L1CAM: variants seen among roughly 807,000 people sequenced by gnomAD.
L1CAM encodes the protein neural cell adhesion molecule L1.
Under a neutral mutation model 93.0 loss-of-function variants are expected in L1CAM, and 8 were observed. The ratio of observed to expected loss-of-function variants is 0.09; its 90% CI spans 0.05 to 0.16. The LOEUF (loss-of-function observed/expected upper bound fraction) is 0.16, where lower values mean the gene tolerates loss of function less well. Among genes scored for constraint, L1CAM ranks in the 10% least tolerant of loss-of-function variants. L1CAM has a pLI of 1.00. For missense variants in L1CAM, 777 were observed against 1,073.4 expected, an observed-to-expected ratio of 0.72 and a Z score of 3.86; for synonymous variants, 453 against 453.0, an observed-to-expected ratio of 1.00 and a Z score of 0.00.
chrX:153,877,784 G>C (rs1267247188), intron 1 of L1CAM, among the ~76,000 whole-genome samples: 2 of 112,324 alleles, frequency 1.8e-5, no homozygotes, highest in African/African-American at 6.5e-5. Context: ...TCCAGGTTAG[G>C]GTCAGGACAG....
At chrX:153,864,562 C>T in intron 24 of L1CAM, 23 bp downstream of exon 24, 1 of 1,209,959 alleles carries the variant, frequency 8.3e-7, no homozygotes, top group East Asian at 3.0e-5. Context: ...CCACCACGCC[C>T]CAAGGCCCCC....
chrX:153,870,668 T>C, intron 7 of L1CAM, 122 bp downstream of exon 7: 3 of 837,229 alleles, frequency 3.6e-6, no homozygotes, highest in Non-Finnish European at 5.3e-6. Context: ...CTGGGCAGGG[T>C]AGAGGTGGGA....
chrX:153,880,303 GGTGCCCTGCACAT>G lies in L1CAM; in HGVS notation c.-108-4372_-108-4360del, dbSNP rs1335349153. 1.6e-3 allele frequency: 233 copies of G among 148,610 alleles called. 1 individual carries two copies. The highest frequency in any genetic ancestry group is 1.7e-3 in the Non-Finnish European group (134 of 76,750). 12.2% of individuals were successfully genotyped at this position (148,610 alleles called of 1,213,427 possible). A position where few individuals can be genotyped will look rare whatever the true frequency, so the allele number is the denominator to read the frequency against. ...ACACCTTGAGAAGGGAACCTCCAGC[GGTGCCCTGCACAT>G]GTGCCCTGCACACCTGCCTGTCAGT... On this transcript the variant is annotated intron_variant, in intron 1 of 28. Transcript: ENST00000370060.
chrX:153,864,776 G>A (rs1474191501), intron 23 of L1CAM, 45 bp downstream of exon 23: 6 of 1,211,304 alleles, frequency 5.0e-6, no homozygotes, highest in South Asian at 3.5e-5. Context: ...TCCTGGACCC[G>A]GCTGGCCGGG....
At chrX:153,869,991 G>A (rs1316557877) in intron 9 of L1CAM, 57 bp from the exon 10 acceptor site, 67 of 1,207,671 alleles carry the variant, frequency 5.5e-5, no homozygotes, top group Middle Eastern at 2.3e-4. Flanking sequence ...CTCTTGACCC[G>A]GCGCAGACCC....
In L1CAM at chrX:153,868,340, C is replaced by T. The variant is rs1557091782; in HGVS notation, c.1665G>A (p.Gly555=). The change falls in exon 14 of 29, where the codon GGG becomes GGA. Residue 555 remains glycine (G), a synonymous_variant. Coordinates refer to ENST00000370060, the MANE Select transcript of L1CAM (RefSeq NM_001278116.2). ...PSLQPSITWR[G]DGRDLQELGD... is the part of the protein sequence containing the mutation. ...CAAGCTCCTGGAGGTCTCGACCGTC[C>T]CCACGCCAGGTGATGCTGGGCTGCA... is the stretch of plus-strand genomic sequence containing the variant. 1.6e-6 allele frequency: 2 copies of T among 1,212,128 alleles called. No homozygotes were observed. The highest frequency in any genetic ancestry group is 2.2e-6 in the Non-Finnish European group (2 of 895,569).
chrX:153,863,440 G>C (rs1557089580), intron 27 of L1CAM, 37 bp downstream of exon 27: 1 of 1,208,294 alleles, frequency 8.3e-7, no homozygotes, highest in Admixed American at 2.2e-5. Context: ...GGCCAGGGTG[G>C]AGCTGAGTGC....
chrX:153,871,394 C>G (rs1392915799), intron 5 of L1CAM, among the ~76,000 whole-genome samples: 3 of 110,986 alleles, frequency 2.7e-5, no homozygotes, highest in African/African-American at 9.9e-5. Flanking sequence ...CCAGGGTGAG[C>G]AGGAGACCAG....
At position 153,872,709 on chromosome X, in the gene L1CAM, G is replaced by A; in HGVS notation, c.92-12C>T. On this transcript the variant is annotated splice_polypyrimidine_tract_variant and intron_variant, in intron 3 of 28. Transcript: ENST00000370060. ...AGGTGGCTCCATCACTGAAGACAGG[G>A]TGGAGAGAGCGGTGGTGAGGGTGCT... 8.5e-7 allele frequency: 1 copy of A among 1,173,111 alleles called. No homozygotes were observed. Among genetic ancestry groups the A allele is most frequent in the Non-Finnish European group, 1.2e-6 (1 of 860,184 alleles).
chrX:153,882,652 T>C (rs1557095927), intron 1 of L1CAM, among the ~76,000 whole-genome samples: 1 of 110,169 alleles, frequency 9.1e-6, no homozygotes, highest in Non-Finnish European at 1.9e-5. Flanking sequence ...AGTTCCACTC[T>C]CAGACCCGCA....
At chrX:153,872,054 C>A (rs112475628) in intron 5 of L1CAM, 98 bp downstream of exon 5, 7 of 718,196 alleles carry the variant, frequency 9.7e-6, no homozygotes, top group African/African-American at 4.2e-5. Context: ...GACACCCAGG[C>A]CCCTCGCCAC....
At chrX:153,884,403 G>A in intron 1 of L1CAM, 1 of 324,311 alleles carries the variant, frequency 3.1e-6, no homozygotes, top group Non-Finnish European at 5.1e-6. Context: ...GCGCGGTGTA[G>A]CAAACCAGGG....
intron 19 of L1CAM, among the ~76,000 whole-genome samples, chrX:153,866,354 GAAAAGAAAA>G (rs1557090876): frequency 1.9e-5 from 2 of 104,964 alleles, no homozygotes; most frequent in Admixed American, 1.0e-4. Context: ...AAAGAAAAAA[GAAAAGAAAA>G]AAAGGAGAAA....
intron 1 of L1CAM, among the ~76,000 whole-genome samples, chrX:153,881,626 C>T (rs1395967382): frequency 1.8e-5 from 2 of 111,737 alleles, no homozygotes; most frequent in Non-Finnish European, 3.8e-5. Flanking sequence ...AACTCCTTTC[C>T]CTTTTGGGCT....
At chrX:153,872,118 ACCTGCCCTCCCTG>A in intron 5 of L1CAM, 21 bp downstream of exon 5, 1 of 1,144,434 alleles carries the variant, frequency 8.7e-7, no homozygotes, top group South Asian at 1.8e-5. Context: ...GAACTCCGGG[ACCTGCCCTCCCTG>A]GTCCCTGCAG....
intron 1 of L1CAM, chrX:153,884,244 C>T (rs782705442): frequency 9.9e-7 from 1 of 1,011,966 alleles, no homozygotes; most frequent in Middle Eastern, 3.0e-4. Context: ...CAGTACACGA[C>T]TGCCCATCGC....
At chrX:153,879,577 G>T (rs1188916552) in intron 1 of L1CAM, among the ~76,000 whole-genome samples, 1 of 112,306 alleles carries the variant, frequency 8.9e-6, no homozygotes, top group Admixed American at 9.3e-5. Flanking sequence ...CTGGGAGCAG[G>T]GTAGAGAGAC....
At chrX:153,879,925 C>T (rs1229921691) in intron 1 of L1CAM, among the ~76,000 whole-genome samples, 1 of 112,047 alleles carries the variant, frequency 8.9e-6, no homozygotes, top group Non-Finnish European at 1.9e-5. Context: ...ACTGAGTGGA[C>T]AGTGGCCGCT....
chrX:153,870,854 G>A lies in L1CAM; in HGVS notation c.630C>T (p.His210=), dbSNP rs28933683. 7.9e-5 allele frequency: 95 copies of A among 1,209,009 alleles called. No homozygotes were observed. The African/African-American group carries it at 1.4e-3, about 18-fold the overall frequency. Residue 210 remains histidine (H), a synonymous_variant, in exon 7 of 29, where the codon CAC becomes CAT. Coordinates refer to ENST00000370060, the MANE Select transcript of L1CAM (RefSeq NM_001278116.2). The stretch of plus-strand genomic sequence containing the variant: ...TGGTCCTGGTGCCTGGGAAGTGGGC[G>A]TGGCAGATGTAGTCTGAGTGGTTGT... ...TSDNHSDYIC[H]AHFPGTRTII...
Sources: allele counts gnomAD v4.1 joint callset (sites outside exome capture counted in the v4.1 genomes callset), GRCh38; gene constraint gnomAD v4.1.1; transcripts MANE v1.5; gene names NCBI Gene and HGNC (gene_info 2026-07-23, HGNC 2026-07-21).